The following CNTNAP2 variants were observed in gnomAD, a reference collection of about 807,000 sequenced individuals.
The protein encoded by CNTNAP2 is contactin-associated protein-like 2.
Under a neutral mutation model 155.2 loss-of-function variants are expected in CNTNAP2, and 98 were observed. That is an observed-to-expected ratio of 0.63 (90% CI 0.54 to 0.75). The LOEUF (loss-of-function observed/expected upper bound fraction) is 0.75. CNTNAP2 is among the 30% of genes least tolerant of loss of function. CNTNAP2 has a pLI of 0.00. For synonymous variants in CNTNAP2, 651 were observed against 631.2 expected (o/e 1.03, Z -0.47); for missense variants, 1,727 against 1,688.1 (o/e 1.02, Z -0.40).
chr7:148,064,121 G>A (rs773302901), intron 15 of CNTNAP2, among the ~76,000 whole-genome samples: 1 of 151,888 alleles, frequency 6.6e-6, no homozygotes, highest in Non-Finnish European at 1.5e-5. Flanking sequence ...CATGCCATTT[G>A]GTTGACTGTA....
chr7:147,902,423 T>C (rs578235267), intron 13 of CNTNAP2, among the ~76,000 whole-genome samples: 1 of 152,202 alleles, frequency 6.6e-6, no homozygotes, highest in East Asian at 1.9e-4. Flanking sequence ...AATTTATTTC[T>C]GTAGGTTTTT....
intron 1 of CNTNAP2, among the ~76,000 whole-genome samples, chr7:146,429,559 C>T (rs571182680): frequency 8.6e-5 from 13 of 151,992 alleles, no homozygotes; most frequent in Middle Eastern, 6.8e-3. Context: ...ATGCTAGAAA[C>T]GTTTTCACAT....
chr7:147,837,573 A>G (rs1798653891), intron 13 of CNTNAP2, among the ~76,000 whole-genome samples: 2 of 152,102 alleles, frequency 1.3e-5, no homozygotes. Context: ...TCAAAAGTCC[A>G]CAGTCCAAAG....
At chr7:146,301,143 T>C (rs889820721) in intron 1 of CNTNAP2, among the ~76,000 whole-genome samples, 20 of 152,106 alleles carry the variant, frequency 1.3e-4, no homozygotes, top group African/African-American at 4.3e-4. Context: ...GCAAATGCTG[T>C]TTATAATAAT....
intron 1 of CNTNAP2, among the ~76,000 whole-genome samples, chr7:146,712,094 A>AT (rs1193222966): frequency 4.9e-5 from 6 of 121,400 alleles, no homozygotes; most frequent in East Asian, 2.6e-4. Context: ...TATACTATAT[A>AT]GTATACATAT....
chr7:146,222,081 G>T lies in CNTNAP2; in HGVS notation c.97+105108G>T, dbSNP rs142513591. On this transcript the variant is annotated intron_variant, in intron 1 of 23. Coordinates refer to ENST00000361727, the MANE Select transcript of CNTNAP2 (RefSeq NM_014141.6). ...AAATAGAACTTAGATTCAAGACTCT[G>T]GTTTTTGATTTCCCTTTGAAATACC... Among the ~76,000 whole-genome samples, 57 of 152,220 alleles carry T rather than the reference G, an allele frequency of 3.7e-4. 1 individual carries two copies. Among genetic ancestry groups the T allele is most frequent in the Non-Finnish European group, 6.6e-4 (45 of 67,998 alleles).
intron 2 of CNTNAP2, among the ~76,000 whole-genome samples, chr7:146,794,966 A>T (rs1303052459): frequency 6.6e-6 from 1 of 152,228 alleles, no homozygotes; most frequent in African/African-American, 2.4e-5. Context: ...ATCTCTGAAT[A>T]TGACCTGCAG....
chr7:147,284,993 C>T (rs1364139137), intron 8 of CNTNAP2, among the ~76,000 whole-genome samples: 1 of 151,602 alleles, frequency 6.6e-6, no homozygotes, highest in African/African-American at 2.4e-5. Flanking sequence ...TGAGTTTTTG[C>T]CTATATCTGC....
chr7:146,745,659 C>G (rs1801796922), intron 1 of CNTNAP2, among the ~76,000 whole-genome samples: 1 of 151,070 alleles, frequency 6.6e-6, no homozygotes, highest in Admixed American at 6.6e-5. Flanking sequence ...CCCAGCTACT[C>G]AGGAGGCTGA....
At position 148,226,214 on chromosome 7, in the gene CNTNAP2, TA is replaced by T. The variant is rs199576911; in HGVS notation, c.3248-3423del. Among the ~76,000 whole-genome samples, 1,117 of 151,016 alleles carry T rather than the reference TA, an allele frequency of 7.4e-3. 8 individuals are homozygous for T. Among genetic ancestry groups the T allele is most frequent in the African/African-American group, 0.021 (880 of 41,220 alleles). ...CTTATTAATAAAAATATGCTATTATTAAAAAAAAAGAGTCTGGAGTTCAAGA... is the reference window on the plus strand; with the variant it reads ...CTTATTAATAAAAATATGCTATTATTAAAAAAAAGAGTCTGGAGTTCAAGA... On this transcript the variant is annotated intron_variant, in intron 19 of 23. Coordinates refer to ENST00000361727, the MANE Select transcript of CNTNAP2 (RefSeq NM_014141.6).
At chr7:146,232,289 A>G (rs1169361020) in intron 1 of CNTNAP2, among the ~76,000 whole-genome samples, 4 of 42,896 alleles carry the variant, frequency 9.3e-5, no homozygotes, top group African/African-American at 2.2e-4. Flanking sequence ...GTAATTTTAT[A>G]TATTAAATAA....
intron 3 of CNTNAP2, among the ~76,000 whole-genome samples, chr7:146,842,826 C>G (rs1473890782): frequency 6.6e-6 from 1 of 151,474 alleles, no homozygotes; most frequent in Admixed American, 6.6e-5. Context: ...GCTGGGACCA[C>G]AGGCGCCCGC....
intron 1 of CNTNAP2, among the ~76,000 whole-genome samples, chr7:146,155,392 A>G (rs1282725267): frequency 5.9e-5 from 9 of 152,166 alleles, no homozygotes; most frequent in Non-Finnish European, 1.2e-4. Context: ...TAATTCAACT[A>G]AACAGTAAAT....
At chr7:146,696,864 T>C (rs2642476) in intron 1 of CNTNAP2, among the ~76,000 whole-genome samples, 149,248 of 152,290 alleles carry the variant, frequency 0.98, 73,156 homozygotes, top group East Asian at 1. Context: ...TTCATTCTGG[T>C]GTAACAGTAT....
At chr7:146,753,430 C>A (rs548807469) in intron 1 of CNTNAP2, among the ~76,000 whole-genome samples, 3 of 151,490 alleles carry the variant, frequency 2.0e-5, no homozygotes, top group African/African-American at 7.3e-5. Context: ...CCATGATGAC[C>A]TATTTATGTT....
chr7:147,549,479 A>G (rs1799808696), intron 11 of CNTNAP2, among the ~76,000 whole-genome samples: 4 of 152,178 alleles, frequency 2.6e-5, no homozygotes, highest in Admixed American at 2.6e-4. Flanking sequence ...GAAGTTGCTT[A>G]TCAGTTCAAG....
At chr7:147,924,449 C>G (rs1353027708) in intron 14 of CNTNAP2, among the ~76,000 whole-genome samples, 1 of 152,034 alleles carries the variant, frequency 6.6e-6, no homozygotes. Flanking sequence ...ACACTAAGCA[C>G]TTTATCTGCA....
chr7:147,311,990 C>T (rs997428108), intron 9 of CNTNAP2, among the ~76,000 whole-genome samples: 4 of 151,908 alleles, frequency 2.6e-5, no homozygotes, highest in African/African-American at 9.7e-5. Context: ...ATTTACATGT[C>T]TCTCTTTTAA....
At chr7:147,652,954 C>A (rs893828453) in intron 13 of CNTNAP2, among the ~76,000 whole-genome samples, 1 of 152,096 alleles carries the variant, frequency 6.6e-6, no homozygotes, top group South Asian at 2.1e-4. Context: ...TCTGAAAAAT[C>A]CTACCTTTTT....
Sources: gnomAD v4.1 joint callset for allele counts (sites outside exome capture counted in the v4.1 genomes callset) on GRCh38, gnomAD v4.1.1 for gene constraint, MANE v1.5 for transcripts, NCBI Gene and HGNC (gene_info 2026-07-23, HGNC 2026-07-21) for gene names.